Variants in CCDC60 observed in about 807,000 individuals in gnomAD.
CCDC60 encodes the protein coiled-coil domain containing 60, also known as coiled-coil domain-containing protein 60.
In CCDC60, 54 loss-of-function variants were observed where a neutral mutation model predicts 63.5. That is an observed-to-expected ratio of 0.85 (90% CI 0.68 to 1.07). CCDC60 has a LOEUF of 1.07. CCDC60 is among the 50% of genes least tolerant of loss of function. The probability of loss-of-function intolerance (pLI) is 0.00; values close to 1 mark genes in which losing one functional copy is unlikely to be tolerated. For missense variants in CCDC60, 651 were observed against 684.3 expected, an observed-to-expected ratio of 0.95 and a Z score of 0.54; for synonymous variants, 206 against 238.8, an observed-to-expected ratio of 0.86 and a Z score of 1.27.
intron 5 of CCDC60, among the ~76,000 whole-genome samples, chr12:119,494,875 G>A (rs1951684161): frequency 6.6e-6 from 1 of 152,190 alleles, no homozygotes; most frequent in Admixed American, 6.5e-5. Flanking sequence ...AGCTACTTGG[G>A]AAGGCTGAGG....
chr12:119,357,714 A>G (rs1472387886), intron 1 of CCDC60, among the ~76,000 whole-genome samples: 1 of 152,188 alleles, frequency 6.6e-6, no homozygotes, highest in Non-Finnish European at 1.5e-5. Context: ...TCGGCCTCCC[A>G]AAGTGCTGGG....
chr12:119,473,963 C>A (rs917181883), intron 3 of CCDC60, among the ~76,000 whole-genome samples: 14 of 152,170 alleles, frequency 9.2e-5, no homozygotes, highest in African/African-American at 3.4e-4. Flanking sequence ...ACAATGACTT[C>A]TTTTCCTCTG....
chr12:119,350,566 A>G (rs955060947), intron 1 of CCDC60, among the ~76,000 whole-genome samples: 1 of 152,132 alleles, frequency 6.6e-6, no homozygotes, highest in Admixed American at 6.6e-5. Context: ...TGGCTGGAAA[A>G]GAAAATAGGA....
At chr12:119,525,651 T>C (rs556269176) in intron 11 of CCDC60, among the ~76,000 whole-genome samples, 6 of 152,184 alleles carry the variant, frequency 3.9e-5, no homozygotes, top group Admixed American at 3.9e-4. Flanking sequence ...AAAGGAGCAC[T>C]AAATATAGAA....
At chr12:119,447,237 C>T (rs1158140224) in intron 2 of CCDC60, among the ~76,000 whole-genome samples, 1 of 152,122 alleles carries the variant, frequency 6.6e-6, no homozygotes, top group African/African-American at 2.4e-5. Context: ...CGGTGACAGG[C>T]AAGACTCAAG....
At chr12:119,368,992 G>A (rs2136173720) in intron 1 of CCDC60, among the ~76,000 whole-genome samples, 1 of 152,298 alleles carries the variant, frequency 6.6e-6, no homozygotes, top group African/African-American at 2.4e-5. Context: ...GACAGACAAT[G>A]CCTATTCTCT....
chr12:119,335,147 G>T lies in CCDC60; in HGVS notation c.-30G>T. The T allele has an allele frequency of 6.4e-7, 1 of 1,563,014 alleles. No homozygotes were observed. The highest frequency in any genetic ancestry group is 8.7e-7 in the Non-Finnish European group (1 of 1,147,296). ...TTCTGGAAAAATCCTTGTCTTGGGG[G>T]CACAGGCTAAAACCTGAAGGATTTT... On this transcript the variant is annotated 5_prime_UTR_variant, in exon 1 of 14. Transcript: ENST00000327554.
intron 1 of CCDC60, among the ~76,000 whole-genome samples, chr12:119,390,912 G>A (rs1956146285): frequency 6.6e-6 from 1 of 152,228 alleles, no homozygotes; most frequent in African/African-American, 2.4e-5. Flanking sequence ...AGTGCTTCCA[G>A]GCGGGGCAGC....
At chr12:119,539,181 C>A (rs1953089288) in intron 13 of CCDC60, among the ~76,000 whole-genome samples, 1 of 152,248 alleles carries the variant, frequency 6.6e-6, no homozygotes, top group Non-Finnish European at 1.5e-5. Flanking sequence ...CAGGGACCCA[C>A]TTGAGGCAGT....
chr12:119,429,390 A>T (rs1956956958), intron 2 of CCDC60, among the ~76,000 whole-genome samples: 1 of 151,958 alleles, frequency 6.6e-6, no homozygotes, highest in Admixed American at 6.6e-5. Flanking sequence ...TTACCCCTTA[A>T]CTGTTTCCTG....
intron 3 of CCDC60, 152 bp from the exon 4 acceptor site, chr12:119,478,942 C>A: frequency 1.5e-6 from 1 of 651,180 alleles, no homozygotes; most frequent in Non-Finnish European, 2.8e-6. Flanking sequence ...TAAGGAACTG[C>A]ATCTGAAACC....
chr12:119,367,637 A>G (rs1955854069), intron 1 of CCDC60, among the ~76,000 whole-genome samples: 1 of 152,210 alleles, frequency 6.6e-6, no homozygotes, highest in Non-Finnish European at 1.5e-5. Flanking sequence ...CCGTGAAGTG[A>G]CAAACAGATA....
chr12:119,360,480 T>G (rs1276630025), intron 1 of CCDC60, among the ~76,000 whole-genome samples: 2 of 146,708 alleles, frequency 1.4e-5, no homozygotes, highest in Non-Finnish European at 3.0e-5. Context: ...GCGGAGAGGC[T>G]CCTCACTTCT....
chr12:119,515,055 G>A (rs1452511487), intron 7 of CCDC60, among the ~76,000 whole-genome samples: 1 of 152,222 alleles, frequency 6.6e-6, no homozygotes, highest in Non-Finnish European at 1.5e-5. Flanking sequence ...CAGGTGTATA[G>A]TAAGCTATGC....
chr12:119,390,771 C>T (rs989282948), intron 1 of CCDC60, among the ~76,000 whole-genome samples: 27 of 152,290 alleles, frequency 1.8e-4, no homozygotes, highest in Admixed American at 5.2e-4. Flanking sequence ...TTCTAGTTCC[C>T]GAGCCACACT....
intron 3 of CCDC60, among the ~76,000 whole-genome samples, chr12:119,472,751 T>G (rs552200095): frequency 6.6e-6 from 1 of 152,014 alleles, no homozygotes; most frequent in East Asian, 1.9e-4. Flanking sequence ...TGGCTAATTT[T>G]TTTGTATTTT....
intron 1 of CCDC60, among the ~76,000 whole-genome samples, chr12:119,394,000 T>A (rs1442738300): frequency 6.6e-6 from 1 of 152,232 alleles, no homozygotes; most frequent in Non-Finnish European, 1.5e-5. Flanking sequence ...AGTCTCAAGA[T>A]GCTGGAACTA....
At chr12:119,395,175 T>A (rs1483103025) in intron 1 of CCDC60, among the ~76,000 whole-genome samples, 1 of 152,224 alleles carries the variant, frequency 6.6e-6, no homozygotes, top group Non-Finnish European at 1.5e-5. Context: ...AAGTCATGAA[T>A]GACTCTATAG....
chr12:119,445,392 C>G (rs1010659176), intron 2 of CCDC60, among the ~76,000 whole-genome samples: 15 of 141,196 alleles, frequency 1.1e-4, no homozygotes, highest in Non-Finnish European at 1.2e-4. Context: ...CGGGATCACA[C>G]CACTGCACTC....
Sources: allele counts gnomAD v4.1 joint callset (sites outside exome capture counted in the v4.1 genomes callset), GRCh38; gene constraint gnomAD v4.1.1; transcripts MANE v1.5; gene names NCBI Gene and HGNC (gene_info 2026-07-23, HGNC 2026-07-21).